The following PIP4K2A variants were observed in gnomAD, a reference collection of about 807,000 sequenced individuals.
PIP4K2A encodes the protein phosphatidylinositol-5-phosphate 4-kinase type 2 alpha.
In PIP4K2A, 14 loss-of-function variants were observed where a neutral mutation model predicts 42.9. That is an observed-to-expected ratio of 0.33 (90% CI 0.22 to 0.51). PIP4K2A has a LOEUF of 0.51. PIP4K2A is among the 20% of genes least tolerant of loss of function. The probability of loss-of-function intolerance (pLI) is 0.97; values close to 1 mark genes in which losing one functional copy is unlikely to be tolerated. For synonymous variants in PIP4K2A, 192 were observed against 192.2 expected, an observed-to-expected ratio of 1.00 and a Z score of 0.01; for missense variants, 434 against 519.8, an observed-to-expected ratio of 0.83 and a Z score of 1.61.
intron 1 of PIP4K2A, among the ~76,000 whole-genome samples, chr10:22,660,934 A>G (rs2130832411): frequency 6.6e-6 from 1 of 152,352 alleles, no homozygotes; most frequent in Admixed American, 6.5e-5. Flanking sequence ...AGACTCGGTG[A>G]TAACGACGTG....
At position 22,567,746 on chromosome 10, in the gene PIP4K2A, G is replaced by C. The variant is rs370180126; in HGVS notation, c.678+105C>G. The C allele has an allele frequency of 2.6e-4, 254 of 970,604 alleles. 1 individual carries two copies. Among genetic ancestry groups the C allele is most frequent in the Non-Finnish European group, 4.0e-4 (234 of 591,968 alleles). 60.1% of individuals were successfully genotyped at this position (970,604 alleles called of 1,614,324 possible). On this transcript the variant is annotated intron_variant, in intron 6 of 9. Coordinates refer to ENST00000376573, the MANE Select transcript of PIP4K2A (RefSeq NM_005028.5). ...GTGGCAGCAGAATGGGGAACAGGAAGAACCACAATAGCAGGGGTGGGAGAC... is the reference window on the plus strand; with the variant it reads ...GTGGCAGCAGAATGGGGAACAGGAACAACCACAATAGCAGGGGTGGGAGAC...
chr10:22,556,007 A>G (rs1836534139), intron 6 of PIP4K2A, among the ~76,000 whole-genome samples: 1 of 152,130 alleles, frequency 6.6e-6, no homozygotes, highest in Non-Finnish European at 1.5e-5. Context: ...CCCGTGAGCG[A>G]CAAGCTTTAT....
chr10:22,625,673 CT>C (rs1224702556), intron 1 of PIP4K2A, among the ~76,000 whole-genome samples: 1 of 152,192 alleles, frequency 6.6e-6, no homozygotes. Context: ...CTACATGCTC[CT>C]GGCATTTAGT....
chr10:22,666,783 T>G (rs915431970), intron 1 of PIP4K2A, among the ~76,000 whole-genome samples: 3 of 152,200 alleles, frequency 2.0e-5, no homozygotes, highest in African/African-American at 7.2e-5. Context: ...TACTACCCCT[T>G]TGCTCCCCGA....
chr10:22,635,224 C>G (rs1838637257), intron 1 of PIP4K2A, among the ~76,000 whole-genome samples: 1 of 152,056 alleles, frequency 6.6e-6, no homozygotes, highest in African/African-American at 2.4e-5. Flanking sequence ...CAGAGAGAAC[C>G]CTAATGTCAA....
In PIP4K2A at chr10:22,549,533, C is replaced by A. The variant is rs541680006; in HGVS notation, c.792+1126G>T. On this transcript the variant is annotated intron_variant, in intron 7 of 9. Transcript: ENST00000376573. ...CCCACTGCATTGTTTTGTAACTCAACGAAGTCCAAGAAAATAACCTTTTTT... is the reference window on the plus strand; with the variant it reads ...CCCACTGCATTGTTTTGTAACTCAAAGAAGTCCAAGAAAATAACCTTTTTT... 1.2e-4 allele frequency among the ~76,000 whole-genome samples: 18 copies of A among 152,144 alleles called. No homozygotes were observed. The South Asian group carries it at 3.5e-3, about 30-fold the overall frequency.
chr10:22,540,340 G>A (rs1442411692), intron 8 of PIP4K2A, among the ~76,000 whole-genome samples: 1 of 151,556 alleles, frequency 6.6e-6, no homozygotes, highest in Non-Finnish European at 1.5e-5. Context: ...TATCAACAGT[G>A]GAGATCCAAC....
In PIP4K2A at chr10:22,712,242, T is replaced by C. The variant is rs886869494; in HGVS notation, c.144+1941A>G. Among the ~76,000 whole-genome samples, 4 of 152,194 alleles carry C rather than the reference T, an allele frequency of 2.6e-5. No individual in the cohort carries two copies. In the South Asian group the frequency reaches 6.2e-4, roughly 24 times the overall value. ...AATTAGCAAGAAACTCTAAAACAAA[T>C]GTAGCAATTCATAAATATAAGGTAG... On this transcript the variant is annotated intron_variant, in intron 1 of 9. Coordinates refer to ENST00000376573, the MANE Select transcript of PIP4K2A (RefSeq NM_005028.5).
intron 1 of PIP4K2A, among the ~76,000 whole-genome samples, chr10:22,639,733 T>A (rs1020390918): frequency 2.0e-5 from 3 of 152,240 alleles, no homozygotes; most frequent in African/African-American, 7.2e-5. Flanking sequence ...ATCCTTTTAC[T>A]GATCCCTTCC....
At chr10:22,712,769 CA>C (rs1469884033) in intron 1 of PIP4K2A, among the ~76,000 whole-genome samples, 2 of 152,256 alleles carry the variant, frequency 1.3e-5, no homozygotes, top group East Asian at 3.9e-4. Flanking sequence ...TAAAAATAAT[CA>C]TTTCTCAACT....
intron 1 of PIP4K2A, among the ~76,000 whole-genome samples, chr10:22,665,263 T>C (rs1345762298): frequency 1.3e-5 from 2 of 152,184 alleles, no homozygotes; most frequent in African/African-American, 4.8e-5. Flanking sequence ...GAGAAATGCT[T>C]TGCGTTTTAA....
chr10:22,712,853 G>C (rs975256146), intron 1 of PIP4K2A, among the ~76,000 whole-genome samples: 3 of 152,120 alleles, frequency 2.0e-5, no homozygotes, highest in African/African-American at 7.2e-5. Context: ...TGCTCAGCTT[G>C]GGGAAGAAAA....
intron 1 of PIP4K2A, among the ~76,000 whole-genome samples, chr10:22,615,784 G>A (rs1413335554): frequency 6.6e-6 from 1 of 152,192 alleles, no homozygotes; most frequent in Non-Finnish European, 1.5e-5. Context: ...AATACTTAAT[G>A]GTTGTCAATC....
rs1436579176 is a variant in PIP4K2A, at chr10:22,669,071, C to A, written c.144+45112G>T. 2.0e-5 allele frequency among the ~76,000 whole-genome samples: 3 copies of A among 152,154 alleles called. No individual in the cohort carries two copies. In the East Asian group the frequency reaches 5.8e-4, roughly 29 times the overall value. On this transcript the variant is annotated intron_variant, in intron 1 of 9. Transcript: ENST00000376573. ...CTCTGGGGACTAAGAACACTACATT[C>A]ACAAGTCTCACTTTGCTTCAAAAAT...
chr10:22,643,699 A>G (rs1022717951), intron 1 of PIP4K2A, among the ~76,000 whole-genome samples: 1 of 152,128 alleles, frequency 6.6e-6, no homozygotes, highest in Non-Finnish European at 1.5e-5. Flanking sequence ...ATTGTCCCCA[A>G]GGACCACACT....
intron 1 of PIP4K2A, among the ~76,000 whole-genome samples, chr10:22,689,187 C>T (rs1272027529): frequency 6.6e-6 from 1 of 151,930 alleles, no homozygotes; most frequent in Non-Finnish European, 1.5e-5. Context: ...CTGCCCCTCA[C>T]CCCCTCTCTT....
At chr10:22,540,863 T>A (rs1052536483) in intron 8 of PIP4K2A, among the ~76,000 whole-genome samples, 19 of 152,156 alleles carry the variant, frequency 1.2e-4, no homozygotes, top group Non-Finnish European at 2.6e-4. Flanking sequence ...CCCGTGTCTG[T>A]TTTCTATCCA....
At chr10:22,666,494 G>A (rs765834690) in intron 1 of PIP4K2A, among the ~76,000 whole-genome samples, 18 of 152,180 alleles carry the variant, frequency 1.2e-4, no homozygotes, top group Admixed American at 9.2e-4. Context: ...AAAAATTATC[G>A]ATCCCAAAAG....
chr10:22,692,916 T>C (rs1839902626), intron 1 of PIP4K2A, among the ~76,000 whole-genome samples: 1 of 152,208 alleles, frequency 6.6e-6, no homozygotes, highest in African/African-American at 2.4e-5. Flanking sequence ...GAATCATTTA[T>C]TCAAGGCTGA....
Sources: gnomAD v4.1 joint callset for allele counts (sites outside exome capture counted in the v4.1 genomes callset) on GRCh38, gnomAD v4.1.1 for gene constraint, MANE v1.5 for transcripts, NCBI Gene and HGNC (gene_info 2026-07-23, HGNC 2026-07-21) for gene names.